The following MCCC1 variants were observed in gnomAD, a reference collection of about 807,000 sequenced individuals.
The protein encoded by MCCC1 is methylcrotonoyl-CoA carboxylase subunit alpha, mitochondrial.
In MCCC1, 64 loss-of-function variants were observed where a neutral mutation model predicts 83.8. The ratio of observed to expected loss-of-function variants is 0.76; its 90% CI spans 0.62 to 0.94. The LOEUF is 0.94. Among genes scored for constraint, MCCC1 ranks in the 40% least tolerant of loss-of-function variants. The pLI is 0.00. For missense variants in MCCC1, 807 were observed against 904.7 expected, an observed-to-expected ratio of 0.89 and a Z score of 1.39; for synonymous variants, 322 against 315.4, an observed-to-expected ratio of 1.02 and a Z score of -0.22.
chr3:183,076,586 C>T (rs778047894), intron 4 of MCCC1, among the ~76,000 whole-genome samples: 16 of 152,128 alleles, frequency 1.1e-4, no homozygotes, highest in Non-Finnish European at 1.9e-4. Flanking sequence ...TTTTCTAAAG[C>T]GATGATTTTA....
At chr3:183,017,082 CAAAGTT>C (rs916341630) in intron 18 of MCCC1, 178 bp downstream of exon 18, 1 of 613,248 alleles carries the variant, frequency 1.6e-6, no homozygotes, top group Non-Finnish European at 2.9e-6. Context: ...TGCAATTTCA[CAAAGTT>C]AAAGTAAAAC....
At chr3:183,048,520 G>C (rs1714721484) in intron 9 of MCCC1, among the ~76,000 whole-genome samples, 1 of 152,176 alleles carries the variant, frequency 6.6e-6, no homozygotes, top group South Asian at 2.1e-4. Flanking sequence ...GGGATAAGGA[G>C]GGGCATTAAA....
chr3:183,046,474 T>G (rs1339973954), intron 9 of MCCC1, among the ~76,000 whole-genome samples: 1 of 151,540 alleles, frequency 6.6e-6, no homozygotes, highest in African/African-American at 2.4e-5. Context: ...CTTGGCTCAC[T>G]GCAACCTCTG....
chr3:183,071,926 T>C (rs915414659), intron 5 of MCCC1, among the ~76,000 whole-genome samples: 1 of 150,130 alleles, frequency 6.7e-6, no homozygotes, highest in Non-Finnish European at 1.5e-5. Context: ...TGAAGTATGA[T>C]GGTGTGATCA....
chr3:183,105,271 G>T (rs1719385712), intron 1 of MCCC1, among the ~76,000 whole-genome samples: 1 of 152,186 alleles, frequency 6.6e-6, no homozygotes, highest in Non-Finnish European at 1.5e-5. Flanking sequence ...TTGAACCTGG[G>T]AGGTAAAGGT....
At chr3:183,043,920 C>G (rs1267194666) in intron 10 of MCCC1, among the ~76,000 whole-genome samples, 5 of 152,138 alleles carry the variant, frequency 3.3e-5, no homozygotes, top group Non-Finnish European at 7.3e-5. Context: ...ATAAACACTC[C>G]TTCCAGAAGT....
At chr3:183,081,061 A>C (rs2108543369) in intron 4 of MCCC1, among the ~76,000 whole-genome samples, 1 of 152,356 alleles carries the variant, frequency 6.6e-6, no homozygotes, top group African/African-American at 2.4e-5. Flanking sequence ...TAAAAACAAA[A>C]GGAGCCATCT....
At chr3:183,033,022 C>G (rs1048757583) in intron 14 of MCCC1, among the ~76,000 whole-genome samples, 6 of 152,074 alleles carry the variant, frequency 3.9e-5, no homozygotes, top group Non-Finnish European at 7.4e-5. Context: ...TATACCAGAA[C>G]TGTCACAGTT....
intron 1 of MCCC1, chr3:183,099,118 C>CTTT (rs1235304917): frequency 5.0e-6 from 3 of 599,100 alleles, no homozygotes; most frequent in African/African-American, 3.7e-5. Context: ...AAAACAGAAG[C>CTTT]CAAAGGCGCG....
chr3:183,040,467 T>C (rs888544337), intron 11 of MCCC1, among the ~76,000 whole-genome samples: 6 of 150,406 alleles, frequency 4.0e-5, no homozygotes, highest in African/African-American at 1.5e-4. Context: ...TCCCAGCACC[T>C]TGAAAGGCCA....
intron 10 of MCCC1, 81 bp from the exon 11 acceptor site, chr3:183,041,831 T>G (rs534238756): frequency 4.7e-6 from 7 of 1,504,916 alleles, no homozygotes; most frequent in Non-Finnish European, 6.5e-6. Context: ...TTGCTTTTTT[T>G]CTAGGTAAAA....
intron 3 of MCCC1, among the ~76,000 whole-genome samples, chr3:183,089,392 G>A (rs1165373484): frequency 2.0e-5 from 3 of 152,126 alleles, no homozygotes; most frequent in Non-Finnish European, 1.5e-5. Flanking sequence ...GGTGGCTTAT[G>A]CCTATAATCC....
At chr3:183,106,564 T>TCTCAGCTCACTGCAAC (rs1158678721) in intron 1 of MCCC1, among the ~76,000 whole-genome samples, 1 of 151,516 alleles carries the variant, frequency 6.6e-6, no homozygotes. Flanking sequence ...AGGGGTGCAA[T>TCTCAGCTCACTGCAAC]CTCAGCTCAC....
Position 183,105,235 on chromosome 3 carries a change from T to G in MCCC1, c.-102+10239A>C, listed in dbSNP as rs1719385378. The stretch of plus-strand genomic sequence containing the variant: ...GGCATATGCCTGTAATCCCAGCTAC[T>G]TGGGAGGCTGAGGCAGGAGAATTGC... On this transcript the variant is annotated intron_variant, in intron 1 of 17. Transcript: ENST00000492597. Among the ~76,000 whole-genome samples, 3 of 152,268 alleles carry G rather than the reference T, an allele frequency of 2.0e-5. No individual in the cohort carries two copies. The South Asian group carries it at 6.2e-4, about 32-fold the overall frequency.
chr3:183,071,484 G>A (rs1716685751), intron 5 of MCCC1, 127 bp from the exon 6 acceptor site: 10 of 1,336,778 alleles, frequency 7.5e-6, no homozygotes, highest in East Asian at 2.4e-5. Flanking sequence ...AGTCTGAGAC[G>A]ACAAAATAAT....
At chr3:183,056,173 T>C (rs1715410135) in intron 8 of MCCC1, among the ~76,000 whole-genome samples, 2 of 152,210 alleles carry the variant, frequency 1.3e-5, no homozygotes, top group South Asian at 4.1e-4. Context: ...TATTGACATT[T>C]AATATGTCAA....
At chr3:183,091,649 TG>T (rs1462518628) in intron 3 of MCCC1, among the ~76,000 whole-genome samples, 1 of 152,102 alleles carries the variant, frequency 6.6e-6, no homozygotes, top group Non-Finnish European at 1.5e-5. Flanking sequence ...TTCAGGGAGT[TG>T]GGTCTTATTA....
chr3:183,025,656 GTCAA>G (rs1712533805), intron 15 of MCCC1, 95 bp downstream of exon 15: 5 of 1,118,712 alleles, frequency 4.5e-6, no homozygotes, highest in Non-Finnish European at 6.8e-6. Context: ...AGTCATAATA[GTCAA>G]AGGCTTAAGG....
intron 10 of MCCC1, among the ~76,000 whole-genome samples, chr3:183,042,385 C>A (rs1468877922): frequency 1.3e-5 from 2 of 152,184 alleles, no homozygotes; most frequent in African/African-American, 2.4e-5. Context: ...CAACAAATCA[C>A]TCTCTTCAAT....
Sources: gnomAD v4.1 joint callset for allele counts (sites outside exome capture counted in the v4.1 genomes callset) on GRCh38, gnomAD v4.1.1 for gene constraint, MANE v1.5 for transcripts, NCBI Gene and HGNC (gene_info 2026-07-23, HGNC 2026-07-21) for gene names.